The following BPIFB1 variants were observed in gnomAD, a reference collection of about 807,000 sequenced individuals.
BPIFB1 encodes the protein BPI fold containing family B member 1.
Under a neutral mutation model 55.1 loss-of-function variants are expected in BPIFB1, and 34 were observed. The observed-to-expected ratio is 0.62, with a 90% CI of 0.47 to 0.82. The LOEUF (loss-of-function observed/expected upper bound fraction) is 0.82. Among genes scored for constraint, BPIFB1 ranks in the 40% least tolerant of loss-of-function variants. The pLI is 0.00. For synonymous variants in BPIFB1, 236 were observed against 245.3 expected (o/e 0.96, Z 0.35); for missense variants, 532 against 593.1 (o/e 0.90, Z 1.07).
Position 33,291,080 on chromosome 20 carries a change from G to T in BPIFB1, c.489G>T (p.Gly163=). 6.2e-7 allele frequency: 1 copy of T among 1,612,652 alleles called. No individual in the cohort carries two copies. The highest frequency in any genetic ancestry group is 8.5e-7 in the Non-Finnish European group (1 of 1,180,016). The part of the protein sequence containing the change: ...LVLSDCATSH[G]SLRIQLLHKL... ...TCAGTGACTGTGCCACCAGCCATGGGAGCCTGCGCATCCAACTGCTGCATA... is the reference window on the plus strand; with the variant it reads ...TCAGTGACTGTGCCACCAGCCATGGTAGCCTGCGCATCCAACTGCTGCATA... The change falls in exon 5 of 16, where the codon GGG becomes GGT. Residue 163 remains glycine (G), a synonymous_variant. Transcript: ENST00000253354.
At chr20:33,301,062 G>A (rs945005342) in intron 8 of BPIFB1, among the ~76,000 whole-genome samples, 171 bp from the exon 9 acceptor site, 2 of 152,214 alleles carry the variant, frequency 1.3e-5, no homozygotes, top group South Asian at 4.1e-4. Flanking sequence ...GAGATTATCC[G>A]AGGGGCAAAG....
At chr20:33,303,638 GA>G (rs1310149136) in intron 11 of BPIFB1, among the ~76,000 whole-genome samples, 1 of 152,200 alleles carries the variant, frequency 6.6e-6, no homozygotes, top group Non-Finnish European at 1.5e-5. Flanking sequence ...AATGGAATAT[GA>G]AAACTTCCTG....
rs1363829413 is a variant in BPIFB1 at position 33,309,277 on chromosome 20, G to A, written c.1396-431G>A. Among the ~76,000 whole-genome samples the A allele has an allele frequency of 6.6e-6, 1 of 152,142 alleles. No individual in the cohort carries two copies. The highest frequency in any genetic ancestry group is 1.9e-4 in the East Asian group (1 of 5,202). ...TTCAAGAAGGCAGGGGTTTCTGTCT[G>A]CTTTGTTCTCTGTTGTGATCAGTGG... is the stretch of plus-strand genomic sequence containing the variant. On this transcript the variant is annotated intron_variant, in intron 15 of 15. Transcript: ENST00000253354. The surrounding 1 kb of genome is among the most constrained non-coding windows in gnomAD (Gnocchi z 4.4).
At chr20:33,292,931 G>T (rs1980520383) in intron 6 of BPIFB1, among the ~76,000 whole-genome samples, 1 of 152,200 alleles carries the variant, frequency 6.6e-6, no homozygotes, top group South Asian at 2.1e-4. Context: ...GTTTTTGTTT[G>T]TTTGTTTTGA....
chr20:33,309,746 C>G lies in BPIFB1; in HGVS notation c.1434C>G (p.Pro478=). The stretch of plus-strand genomic sequence containing the variant: ...TTACTCCAGCCTCCTTGTGGAAACC[C>G]AGCTCTCCTGTCTCCCAGTGAAGAC... The part of the protein sequence containing the change: ...LVLTPASLWK[P]SSPVSQ Residue 478 remains proline, a synonymous_variant, in exon 16 of 16, where the codon CCC becomes CCG. Transcript: ENST00000253354. The surrounding 1 kb of genome is among the most constrained non-coding windows in gnomAD (Gnocchi z 4.4). The G allele has an allele frequency of 6.2e-7, 1 of 1,614,156 alleles. No homozygotes were observed. The highest frequency in any genetic ancestry group is 1.3e-5 in the African/African-American group (1 of 75,052).
chr20:33,292,080 C>A, intron 6 of BPIFB1, 92 bp downstream of exon 6: 1 of 1,166,128 alleles, frequency 8.6e-7, no homozygotes, highest in South Asian at 1.2e-5. Flanking sequence ...TGACTGGAGT[C>A]TCCTTGGGTG....
chr20:33,292,071 G>T, intron 6 of BPIFB1, 83 bp downstream of exon 6: 4 of 1,236,730 alleles, frequency 3.2e-6, no homozygotes, highest in Non-Finnish European at 4.8e-6. Flanking sequence ...GGTGCTAAGT[G>T]ACTGGAGTCT....
In BPIFB1 at chr20:33,288,832, C is replaced by T; in HGVS notation, c.207C>T (p.Gly69=). The T allele has an allele frequency of 1.2e-6, 2 of 1,614,008 alleles. No homozygotes were observed. Among genetic ancestry groups the T allele is most frequent in the African/African-American group, 1.3e-5 (1 of 75,064 alleles). The change falls in exon 3 of 16, where the codon GGC becomes GGT. Residue 69 remains glycine (G), a synonymous_variant. Coordinates refer to ENST00000253354, the MANE Select transcript of BPIFB1 (RefSeq NM_033197.3). Reference sequence around the variant, plus strand: ...CCATGCGGGAAAAGCCAGCCGGAGGCATCCCTGTGCTGGGCAGCCTGGTGA... The same window carrying T: ...CCATGCGGGAAAAGCCAGCCGGAGGTATCCCTGTGCTGGGCAGCCTGGTGA... ...LSAMREKPAG[G]IPVLGSLVNT...
rs1253246198 is a variant in BPIFB1, at chr20:33,301,414, T to C, written c.927+2T>C. The C allele has an allele frequency of 6.2e-7, 1 of 1,611,924 alleles. No individual in the cohort carries two copies. Among genetic ancestry groups the C allele is most frequent in the Non-Finnish European group, 8.5e-7 (1 of 1,178,784 alleles). ...TTCATGGTCCTGTTGGACTCTGTGG[T>C]AAACCTCAGCACAAGGCAGAGAATA... On this transcript the variant is annotated splice_donor_variant, in intron 9 of 15. Transcript: ENST00000253354. LOFTEE classifies it high-confidence loss of function.
chr20:33,302,213 C>A, intron 9 of BPIFB1, 146 bp from the exon 10 acceptor site: 1 of 782,602 alleles, frequency 1.3e-6, no homozygotes, highest in Non-Finnish European at 2.2e-6. Flanking sequence ...GGCTGTTTTT[C>A]CACCAATGAC....
intron 5 of BPIFB1, among the ~76,000 whole-genome samples, chr20:33,291,333 G>A (rs1041305766): frequency 5.3e-5 from 8 of 152,210 alleles, no homozygotes; most frequent in Admixed American, 6.5e-5. Context: ...GCATGACACC[G>A]GGAGGTGGGG....
intron 7 of BPIFB1, 87 bp downstream of exon 7, chr20:33,297,675 A>T: frequency 2.9e-6 from 4 of 1,403,128 alleles, no homozygotes; most frequent in Non-Finnish European, 3.0e-6. Flanking sequence ...GGCCTCCCCA[A>T]GTCAGGCCTG....
rs370964785 is a variant in BPIFB1 at position 33,306,847 on chromosome 20, C to A, written c.1319-64C>A. ...GGGGCTCCCCTTCAGGAACCCTGAGCCTGCCCCTGGCTGCCCAGTCTCACC... is the reference window on the plus strand; with the variant it reads ...GGGGCTCCCCTTCAGGAACCCTGAGACTGCCCCTGGCTGCCCAGTCTCACC... On this transcript the variant is annotated intron_variant, in intron 14 of 15. Transcript: ENST00000253354. 32 of 1,403,310 alleles carry A rather than the reference C, an allele frequency of 2.3e-5. No individual in the cohort carries two copies. In the East Asian group the frequency reaches 5.2e-4, roughly 23 times the overall value. The allele number at this position is 1,403,310 out of a possible 1,614,324, so 86.9% of individuals were successfully genotyped here.
At chr20:33,299,788 C>A in intron 7 of BPIFB1, 111 bp from the exon 8 acceptor site, 1 of 806,556 alleles carries the variant, frequency 1.2e-6, no homozygotes, top group Non-Finnish European at 2.2e-6. Context: ...CCTGCTCCTC[C>A]CTACCTGCCC....
Position 33,286,283 on chromosome 20 carries a change from T to C in BPIFB1, c.115+95T>C, listed in dbSNP as rs979166610. The C allele has an allele frequency of 4.6e-6, 5 of 1,075,550 alleles. No homozygotes were observed. In the East Asian group the frequency reaches 1.0e-4, roughly 22 times the overall value. 66.6% of individuals were successfully genotyped at this position (1,075,550 alleles called of 1,614,324 possible). On this transcript the variant is annotated intron_variant, in intron 2 of 15. Transcript: ENST00000253354. ...GGAGAGAGTTCCTCATCACGGGGGA[T>C]GTGCATGGCTGAGATCCCAGAACGT...
At chr20:33,291,785 C>T (rs376884855) in intron 5 of BPIFB1, 122 bp from the exon 6 acceptor site, 28 of 827,454 alleles carry the variant, frequency 3.4e-5, no homozygotes, top group Middle Eastern at 2.3e-4. Context: ...GTCTCTAACA[C>T]GTCCTGTGAC....
intron 10 of BPIFB1, 36 bp from the exon 11 acceptor site, chr20:33,302,880 C>G (rs1368154180): frequency 6.2e-7 from 1 of 1,608,856 alleles, no homozygotes; most frequent in South Asian, 1.1e-5. Flanking sequence ...ATGGTGGGCA[C>G]TTGGGAGGCC....
intron 1 of BPIFB1, 77 bp from the exon 2 acceptor site, chr20:33,285,956 C>A: frequency 1.2e-6 from 1 of 869,398 alleles, no homozygotes; most frequent in Non-Finnish European, 1.9e-6. Context: ...CTCTCCTGGA[C>A]ACCGTGCCCC....
chr20:33,288,889 G>A lies in BPIFB1; in HGVS notation c.257+7G>A. 1 of 1,611,866 alleles carries A rather than the reference G, an allele frequency of 6.2e-7. No homozygotes were observed. The highest frequency in any genetic ancestry group is 8.5e-7 in the Non-Finnish European group (1 of 1,179,506). ...TCCTGAAGCACATCATCTGGTGAGT[G>A]GAGCAGGACCACACCAGGAGCTAGC... On this transcript the variant is annotated splice_region_variant and intron_variant, in intron 3 of 15. Coordinates refer to ENST00000253354, the MANE Select transcript of BPIFB1 (RefSeq NM_033197.3).
Sources: gnomAD v4.1 joint callset for allele counts (sites outside exome capture counted in the v4.1 genomes callset) on GRCh38, gnomAD v4.1.1 for gene constraint, Gnocchi (gnomAD v3.1) non-coding constraint, MANE v1.5 for transcripts, NCBI Gene and HGNC (gene_info 2026-07-23, HGNC 2026-07-21) for gene names.